The following CLNK variants were observed in gnomAD, a reference collection of about 807,000 sequenced individuals.
CLNK encodes the protein cytokine dependent hematopoietic cell linker, also known as cytokine-dependent hematopoietic cell linker.
In CLNK, 74 loss-of-function variants were observed where a neutral mutation model predicts 68.6. The observed-to-expected ratio is 1.08, with a 90% CI of 0.89 to 1.31. The LOEUF (loss-of-function observed/expected upper bound fraction) is 1.31, where lower values mean the gene tolerates loss of function less well. CLNK is among the 50% of genes most tolerant of loss of function. The pLI is 0.00. For missense variants in CLNK, 553 were observed against 515.3 expected, an observed-to-expected ratio of 1.07 and a Z score of -0.71; for synonymous variants, 198 against 172.2, an observed-to-expected ratio of 1.15 and a Z score of -1.17.
chr4:10,603,717 T>A (rs910954060), intron 2 of CLNK, among the ~76,000 whole-genome samples: 1 of 151,894 alleles, frequency 6.6e-6, no homozygotes. Flanking sequence ...CATGTTGGGG[T>A]GGGAAGGCCA....
intron 3 of CLNK, among the ~76,000 whole-genome samples, chr4:10,591,154 G>C (rs142486903): frequency 5.9e-5 from 9 of 152,232 alleles, no homozygotes; most frequent in African/African-American, 2.2e-4. Context: ...CCTAGAGGTC[G>C]TGTGGAGGTT....
Position 10,650,913 on chromosome 4 carries a change from A to G in CLNK, c.11+16946T>C, listed in dbSNP as rs543046907. On this transcript the variant is annotated intron_variant, in intron 2 of 18. Coordinates refer to ENST00000226951, the MANE Select transcript of CLNK (RefSeq NM_052964.4). The stretch of plus-strand genomic sequence containing the variant: ...AAAGGATATGAACAGACACTTCTCA[A>G]AAGAAGACATTTATGCGGTCAACAA... 7.9e-5 allele frequency among the ~76,000 whole-genome samples: 12 copies of G among 152,352 alleles called. No individual in the cohort carries two copies. The East Asian group carries it at 2.1e-3, about 27-fold the overall frequency.
intron 2 of CLNK, among the ~76,000 whole-genome samples, chr4:10,600,170 A>G (rs1376491521): frequency 1.3e-5 from 2 of 151,728 alleles, no homozygotes; most frequent in Non-Finnish European, 2.9e-5. Context: ...ATGCTCCCAT[A>G]TCATTGATCT....
intron 18 of CLNK, among the ~76,000 whole-genome samples, chr4:10,495,454 A>G (rs1029747906): frequency 6.6e-6 from 1 of 152,206 alleles, no homozygotes; most frequent in Non-Finnish European, 1.5e-5. Flanking sequence ...GGGACTTGAC[A>G]TGACTCTTTC....
chr4:10,590,949 C>G (rs962508527), intron 3 of CLNK, among the ~76,000 whole-genome samples: 1 of 152,088 alleles, frequency 6.6e-6, no homozygotes, highest in African/African-American at 2.4e-5. Flanking sequence ...ATAAACGAAC[C>G]CTTTAATTTT....
At chr4:10,665,662 C>CAA (rs57998581) in intron 2 of CLNK, among the ~76,000 whole-genome samples, 4,452 of 62,690 alleles carry the variant, frequency 0.071, 149 homozygotes, top group Middle Eastern at 0.13. Flanking sequence ...GACTTCGTCT[C>CAA]AAAAAAAAAA....
the CLNK span, among the ~76,000 whole-genome samples, chr4:10,728,301 A>C: frequency 9.6e-4 from 146 of 152,350 alleles, no homozygotes; most frequent in Middle Eastern, 3.4e-3. Context: ...AGAAGAATAC[A>C]CAAATACCAT....
intron 2 of CLNK, among the ~76,000 whole-genome samples, chr4:10,608,808 TTA>T (rs891653810): frequency 2.0e-5 from 3 of 152,178 alleles, no homozygotes; most frequent in Non-Finnish European, 2.9e-5. Flanking sequence ...TAGCAAACAT[TTA>T]TCCCTCATAG....
At chr4:10,660,851 T>C (rs1724167848) in intron 2 of CLNK, among the ~76,000 whole-genome samples, 1 of 152,248 alleles carries the variant, frequency 6.6e-6, no homozygotes, top group African/African-American at 2.4e-5. Context: ...TGGCAAACTC[T>C]ATCTCTGGAT....
At chr4:10,700,811 C>G in the CLNK span, among the ~76,000 whole-genome samples, 3 of 152,060 alleles carry the variant, frequency 2.0e-5, no homozygotes, top group Non-Finnish European at 4.4e-5. Context: ...TAAACAATGG[C>G]AAACTAATAC....
chr4:10,642,609 C>CA (rs886656896), intron 2 of CLNK, among the ~76,000 whole-genome samples: 3 of 152,198 alleles, frequency 2.0e-5, no homozygotes, highest in South Asian at 4.2e-4. Flanking sequence ...GACCTGTATG[C>CA]ATGTGGGTAA....
Position 10,504,116 on chromosome 4 carries a change from C to CTTTTT in CLNK, c.985-2710_985-2706dup, listed in dbSNP as rs10660433. On this transcript the variant is annotated intron_variant, in intron 17 of 18. Coordinates refer to ENST00000226951, the MANE Select transcript of CLNK (RefSeq NM_052964.4). ...GTCTTTACATAAACATCTTTGGGTT[C>CTTTTT]TTTTTTTTTTTTTTTTTTTTTTGAG... 6.1e-4 allele frequency among the ~76,000 whole-genome samples: 41 copies of CTTTTT among 67,312 alleles called. 2 individuals carry two copies. The highest frequency in any genetic ancestry group is 1.0e-3 in the Admixed American group (4 of 3,874). 44.2% of individuals were successfully genotyped at this position (67,312 alleles called of 152,430 possible).
At chr4:10,731,916 C>T in the CLNK span, among the ~76,000 whole-genome samples, 19 of 152,262 alleles carry the variant, frequency 1.2e-4, no homozygotes, top group African/African-American at 2.4e-4. Context: ...GGATTAGCAA[C>T]GGTCTCTCTG....
chr4:10,706,615 C>T, the CLNK span, among the ~76,000 whole-genome samples: 1 of 152,166 alleles, frequency 6.6e-6, no homozygotes, highest in Non-Finnish European at 1.5e-5. Context: ...TATGGGTGTC[C>T]TGAGCTGCCC....
chr4:10,595,028 C>T (rs529811089), intron 3 of CLNK, among the ~76,000 whole-genome samples: 9 of 152,002 alleles, frequency 5.9e-5, no homozygotes, highest in Admixed American at 1.3e-4. Context: ...ACCTGGGAGG[C>T]GGAGATTGCG....
chr4:10,639,443 C>G (rs1410048446), intron 2 of CLNK, among the ~76,000 whole-genome samples: 3 of 152,214 alleles, frequency 2.0e-5, no homozygotes, highest in Non-Finnish European at 4.4e-5. Context: ...GCCTATAGCT[C>G]TCAGCTTGGG....
intron 14 of CLNK, among the ~76,000 whole-genome samples, chr4:10,522,659 GT>G (rs1160250499): frequency 3.9e-5 from 6 of 152,062 alleles, no homozygotes; most frequent in Non-Finnish European, 8.8e-5. Context: ...TAGGCACATG[GT>G]ATGTTCTGGG....
Position 10,489,827 on chromosome 4 carries a change from C to T in CLNK, c.*640G>A, listed in dbSNP as rs962772157. 6 of 149,010 alleles carry T rather than the reference C, an allele frequency of 4.0e-5. No individual in the cohort carries two copies. Among genetic ancestry groups the T allele is most frequent in the African/African-American group, 7.4e-5 (3 of 40,416 alleles). 9.2% of individuals were successfully genotyped at this position (149,010 alleles called of 1,614,324 possible). A position where few individuals can be genotyped will look rare whatever the true frequency, so the allele number is the denominator to read the frequency against. The stretch of plus-strand genomic sequence containing the variant: ...GACTACAGGCACCCACCACCACGCC[C>T]AGCTGATTTTTTGTATTTTTAGTAG... On this transcript the variant is annotated 3_prime_UTR_variant, in exon 19 of 19. Transcript: ENST00000226951.
chr4:10,693,689 C>T, the CLNK span, among the ~76,000 whole-genome samples: 1 of 152,182 alleles, frequency 6.6e-6, no homozygotes, highest in Non-Finnish European at 1.5e-5. Flanking sequence ...GATACAGAGC[C>T]ATACATTTAC....
Sources: gnomAD v4.1 joint callset for allele counts (sites outside exome capture counted in the v4.1 genomes callset) on GRCh38, gnomAD v4.1.1 for gene constraint, MANE v1.5 for transcripts, NCBI Gene and HGNC (gene_info 2026-07-23, HGNC 2026-07-21) for gene names.